KIAA1549: variants seen among roughly 807,000 people sequenced by gnomAD.
KIAA1549 encodes KIAA1549.
KIAA1549 carries 70 observed loss-of-function variants against 156.4 expected under a neutral mutation model. That is an observed-to-expected ratio of 0.45 (90% CI 0.37 to 0.55). The LOEUF is 0.55. Among genes scored for constraint, KIAA1549 ranks in the 20% least tolerant of loss-of-function variants. The probability of loss-of-function intolerance (pLI) is 0.00; values close to 1 mark genes in which losing one functional copy is unlikely to be tolerated. For missense variants in KIAA1549, 2,428 were observed against 2,540.9 expected, an observed-to-expected ratio of 0.96 and a Z score of 0.96; for synonymous variants, 1,103 against 1,066.4, an observed-to-expected ratio of 1.03 and a Z score of -0.67.
intron 6 of KIAA1549, among the ~76,000 whole-genome samples, chr7:138,906,652 G>T (rs930560049): frequency 1.3e-5 from 2 of 152,112 alleles, no homozygotes; most frequent in Non-Finnish European, 2.9e-5. Flanking sequence ...TTGGAGACTT[G>T]GGGGGAAGAG....
At chr7:138,895,712 T>C (rs897271201) in intron 9 of KIAA1549, among the ~76,000 whole-genome samples, 1 of 152,074 alleles carries the variant, frequency 6.6e-6, no homozygotes, top group Non-Finnish European at 1.5e-5. Flanking sequence ...TTTCTTGATG[T>C]ATATTTTACT....
At position 138,981,270 on chromosome 7, in the gene KIAA1549, TCCCGGCCGGCGC is replaced by T; in HGVS notation, c.-13_-2del. The stretch of plus-strand genomic sequence containing the variant: ...GGCGTCGGCGCCGCGCCCCCGGCAT[TCCCGGCCGGCGC>T]CCCGGCCCGGCCTCGCGGCTCAGCG... On this transcript the variant is annotated 5_prime_UTR_variant, in exon 1 of 20. Coordinates refer to ENST00000422774, the MANE Select transcript of KIAA1549 (RefSeq NM_001164665.2). The surrounding 1 kb of genome is among the most constrained non-coding windows in gnomAD (Gnocchi z 4.5). 27 of 974,900 alleles carry T rather than the reference TCCCGGCCGGCGC, an allele frequency of 2.8e-5. No homozygotes were observed. The highest frequency in any genetic ancestry group is 3.3e-5 in the Non-Finnish European group (27 of 823,528). The allele number at this position is 974,900 out of a possible 1,614,324, so 60.4% of individuals were successfully genotyped here. A position where few individuals can be genotyped will look rare whatever the true frequency, so the allele number is the denominator to read the frequency against.
At chr7:138,877,947 T>TC (rs1477802310) in intron 12 of KIAA1549, among the ~76,000 whole-genome samples, 1 of 152,176 alleles carries the variant, frequency 6.6e-6, no homozygotes, top group Non-Finnish European at 1.5e-5. Context: ...TAAGGTTTTC[T>TC]CAGATAAGCA....
intron 2 of KIAA1549, among the ~76,000 whole-genome samples, chr7:138,914,001 A>C (rs1812243248): frequency 1.5e-5 from 2 of 137,296 alleles, no homozygotes; most frequent in African/African-American, 5.4e-5. Context: ...AGGAGGGAGA[A>C]GGAAAGAAGG....
At chr7:138,932,361 G>T (rs1392241989) in intron 1 of KIAA1549, among the ~76,000 whole-genome samples, 1 of 151,800 alleles carries the variant, frequency 6.6e-6, no homozygotes, top group Non-Finnish European at 1.5e-5. Context: ...CAGCCCACTG[G>T]AGAACACAGA....
intron 10 of KIAA1549, among the ~76,000 whole-genome samples, chr7:138,891,844 G>A (rs982905144): frequency 2.6e-5 from 4 of 152,186 alleles, no homozygotes; most frequent in Admixed American, 2.6e-4. Context: ...CCCTGAGGAC[G>A]AGGCTAGAGG....
chr7:138,954,094 G>A (rs541862008), intron 1 of KIAA1549, among the ~76,000 whole-genome samples: 1 of 152,248 alleles, frequency 6.6e-6, no homozygotes, highest in South Asian at 2.1e-4. Flanking sequence ...AAGGATATAC[G>A]CACAAGAAGT....
At chr7:138,968,308 C>T (rs1003125798) in intron 1 of KIAA1549, among the ~76,000 whole-genome samples, 1 of 152,082 alleles carries the variant, frequency 6.6e-6, no homozygotes, top group African/African-American at 2.4e-5. Context: ...ACCTATGTAA[C>T]AAACCTGCAC....
At position 138,905,083 on chromosome 7, in the gene KIAA1549, T is replaced by A; in HGVS notation, c.3461-2A>T. On this transcript the variant is annotated splice_acceptor_variant, in intron 6 of 19. Coordinates refer to ENST00000422774, the MANE Select transcript of KIAA1549 (RefSeq NM_001164665.2). LOFTEE classifies it high-confidence loss of function. ...AGTTGAGCTGTGGATACTGGAAGGC[T>A]ACAAAAGGGAAAGAATTAGGGAAGG... The A allele has an allele frequency of 6.4e-7, 1 of 1,567,490 alleles. No homozygotes were observed. The highest frequency in any genetic ancestry group is 8.7e-7 in the Non-Finnish European group (1 of 1,153,670).
intron 1 of KIAA1549, among the ~76,000 whole-genome samples, chr7:138,979,699 C>G (rs1814486873): frequency 6.6e-6 from 1 of 152,190 alleles, no homozygotes; most frequent in African/African-American, 2.4e-5. Context: ...CTCGCAGGAG[C>G]AGGACTGAGA....
At chr7:138,944,902 C>T (rs1041802581) in intron 1 of KIAA1549, among the ~76,000 whole-genome samples, 1 of 152,180 alleles carries the variant, frequency 6.6e-6, no homozygotes, top group Non-Finnish European at 1.5e-5. Context: ...GCAATGGACC[C>T]CTGTCCACTG....
At chr7:138,979,011 G>A (rs906599789) in intron 1 of KIAA1549, among the ~76,000 whole-genome samples, 1 of 152,160 alleles carries the variant, frequency 6.6e-6, no homozygotes, top group Non-Finnish European at 1.5e-5. Flanking sequence ...TTCCTGTCCG[G>A]GAATGGTCTG....
intron 15 of KIAA1549, among the ~76,000 whole-genome samples, chr7:138,867,552 C>A (rs62487028): frequency 8.7e-6 from 1 of 115,440 alleles, no homozygotes; most frequent in Non-Finnish European, 1.7e-5. Flanking sequence ...AAGACCCTGT[C>A]CCAAAAAAAA....
At chr7:138,877,428 A>G (rs959851500) in intron 12 of KIAA1549, among the ~76,000 whole-genome samples, 1 of 152,212 alleles carries the variant, frequency 6.6e-6, no homozygotes, top group Non-Finnish European at 1.5e-5. Context: ...TGGGAGGCAG[A>G]GGTTGCAGTG....
At chr7:138,855,997 G>A (rs1810376965) in intron 16 of KIAA1549, among the ~76,000 whole-genome samples, 1 of 151,612 alleles carries the variant, frequency 6.6e-6, no homozygotes, top group Non-Finnish European at 1.5e-5. Flanking sequence ...TAAATTAGAA[G>A]AAGCATATCC....
At chr7:138,893,525 C>A (rs954396569) in intron 10 of KIAA1549, among the ~76,000 whole-genome samples, 3 of 152,240 alleles carry the variant, frequency 2.0e-5, no homozygotes, top group Non-Finnish European at 4.4e-5. Context: ...CTCAGTAGAC[C>A]AACACTCAAA....
At chr7:138,968,250 C>A (rs1011291455) in intron 1 of KIAA1549, among the ~76,000 whole-genome samples, 2 of 152,066 alleles carry the variant, frequency 1.3e-5, no homozygotes, top group African/African-American at 4.8e-5. Flanking sequence ...GGGCTTAATA[C>A]CCAGATGATG....
chr7:138,911,053 T>C lies in KIAA1549; in HGVS notation c.3145+93A>G, dbSNP rs939660346. The C allele has an allele frequency of 7.1e-6, 7 of 991,156 alleles. No individual in the cohort carries two copies. In the Admixed American group the frequency reaches 9.4e-5, roughly 13 times the overall value. The allele number at this position is 991,156 out of a possible 1,614,324, so 61.4% of individuals were successfully genotyped here. ...TCTCTAAAAATCATCATCATAATAATAAATTCTAAAAATGATTTCCAATAT... is the reference window on the plus strand; with the variant it reads ...TCTCTAAAAATCATCATCATAATAACAAATTCTAAAAATGATTTCCAATAT... On this transcript the variant is annotated intron_variant, in intron 4 of 19. Coordinates refer to ENST00000422774, the MANE Select transcript of KIAA1549 (RefSeq NM_001164665.2).
intron 4 of KIAA1549, among the ~76,000 whole-genome samples, chr7:138,909,472 C>T (rs1158336712): frequency 6.6e-6 from 1 of 152,142 alleles, no homozygotes; most frequent in African/African-American, 2.4e-5. Context: ...TGATACCTGG[C>T]ATTGCTTGAA....
Sources: allele counts gnomAD v4.1 joint callset (sites outside exome capture counted in the v4.1 genomes callset), GRCh38; gene constraint gnomAD v4.1.1; non-coding constraint Gnocchi (gnomAD v3.1); transcripts MANE v1.5; gene names NCBI Gene and HGNC (gene_info 2026-07-23, HGNC 2026-07-21).